The following WDR7 variants were observed in gnomAD, a reference collection of about 807,000 sequenced individuals.
WDR7 encodes the protein WD repeat domain 7.
In WDR7, 46 loss-of-function variants were observed where a neutral mutation model predicts 169.4. That is an observed-to-expected ratio of 0.27 (90% CI 0.21 to 0.35). The LOEUF (loss-of-function observed/expected upper bound fraction) is 0.35. WDR7 is among the 10% of genes least tolerant of loss of function. The pLI is 1.00. For missense variants in WDR7, 1,534 were observed against 1,859.3 expected, an observed-to-expected ratio of 0.83 and a Z score of 3.22; for synonymous variants, 612 against 666.8, an observed-to-expected ratio of 0.92 and a Z score of 1.27.
chr18:56,964,209 CAAAA>C (rs370790953), intron 26 of WDR7, among the ~76,000 whole-genome samples: 1 of 68,738 alleles, frequency 1.5e-5, no homozygotes. Flanking sequence ...TGGTAACATG[CAAAA>C]AAAAAAAAAA....
rs141665150 is a variant in WDR7, at chr18:56,811,023, T to C, written c.3191-5008T>C. Among the ~76,000 whole-genome samples the C allele has an allele frequency of 1.1e-3, 174 of 152,332 alleles. 1 individual carries two copies. Among genetic ancestry groups the C allele is most frequent in the African/African-American group, 4.0e-3 (168 of 41,586 alleles). On this transcript the variant is annotated intron_variant, in intron 19 of 27. Transcript: ENST00000254442. ...AGGTTTGCTTCTTCTAGACATTTCA[T>C]GTAAATGGAATCATAAGGCATGTAA...
At chr18:57,025,437 C>T (rs1337752535) in intron 27 of WDR7, among the ~76,000 whole-genome samples, 1 of 152,112 alleles carries the variant, frequency 6.6e-6, no homozygotes, top group Non-Finnish European at 1.5e-5. Context: ...TTTTTATCTT[C>T]TGTGAAGTTT....
intron 21 of WDR7, among the ~76,000 whole-genome samples, chr18:56,881,402 C>A (rs368867058): frequency 1.3e-5 from 2 of 152,010 alleles, no homozygotes. Context: ...CCTCTTATCT[C>A]GATTTTATGC....
At chr18:56,664,354 G>A (rs1023810069) in intron 1 of WDR7, among the ~76,000 whole-genome samples, 1 of 152,116 alleles carries the variant, frequency 6.6e-6, no homozygotes, top group Non-Finnish European at 1.5e-5. Context: ...GTAATGAGAG[G>A]GAGAGAGATT....
intron 26 of WDR7, among the ~76,000 whole-genome samples, chr18:56,984,169 T>C (rs2047682623): frequency 6.6e-6 from 1 of 152,200 alleles, no homozygotes; most frequent in African/African-American, 2.4e-5. Flanking sequence ...TCATGAAAGA[T>C]GGCTTTACAT....
At chr18:57,004,672 G>A (rs1420303941) in intron 26 of WDR7, among the ~76,000 whole-genome samples, 2 of 152,082 alleles carry the variant, frequency 1.3e-5, no homozygotes, top group South Asian at 2.1e-4. Context: ...AGCCAGGAGT[G>A]ACACAGTAAA....
intron 26 of WDR7, among the ~76,000 whole-genome samples, chr18:56,991,467 A>G (rs1301000947): frequency 6.6e-6 from 1 of 152,278 alleles, no homozygotes; most frequent in Non-Finnish European, 1.5e-5. Context: ...TATTGGAGAA[A>G]CTGGCCAAAT....
At chr18:56,749,386 TTGTG>T (rs71863855) in intron 14 of WDR7, among the ~76,000 whole-genome samples, 45,143 of 148,556 alleles carry the variant, frequency 0.3, 7,267 homozygotes, top group Admixed American at 0.38. Flanking sequence ...GTGTGTGTGT[TTGTG>T]TGTGTGTGTG....
At chr18:57,008,238 G>A (rs1213052959) in intron 26 of WDR7, among the ~76,000 whole-genome samples, 1 of 151,964 alleles carries the variant, frequency 6.6e-6, no homozygotes, top group Non-Finnish European at 1.5e-5. Flanking sequence ...TCCTCATTCA[G>A]CTCCCCATTT....
At chr18:56,857,509 G>A (rs373711668) in intron 20 of WDR7, among the ~76,000 whole-genome samples, 181 of 152,104 alleles carry the variant, frequency 1.2e-3, no homozygotes, top group Middle Eastern at 6.8e-3. Flanking sequence ...TGCCTACCTC[G>A]GCCTCCCAAA....
chr18:57,034,135 T>G (rs992345902), downstream of WDR7: 1 of 150,936 alleles, frequency 6.6e-6, no homozygotes, highest in African/African-American at 2.4e-5. Flanking sequence ...GGCAAGAGAG[T>G]GAGACTCTGG....
chr18:56,874,655 A>G (rs1169579502), intron 20 of WDR7, among the ~76,000 whole-genome samples: 1 of 152,196 alleles, frequency 6.6e-6, no homozygotes, highest in African/African-American at 2.4e-5. Flanking sequence ...CTAAACTTTT[A>G]CGTGAGCAAT....
Position 56,834,298 on chromosome 18 carries a change from G to A in WDR7, c.3304+18154G>A, listed in dbSNP as rs111974540. On this transcript the variant is annotated intron_variant, in intron 20 of 27. Coordinates refer to ENST00000254442, the MANE Select transcript of WDR7 (RefSeq NM_015285.3). ...AGTGGCCTCCCATGACTTTGCTGTC[G>A]TCCACTGGTTAGTAGTAAGTCACAG... 8.5e-3 allele frequency among the ~76,000 whole-genome samples: 1,289 copies of A among 152,188 alleles called. 24 individuals are homozygous for A. The highest frequency in any genetic ancestry group is 0.027 in the African/African-American group (1,133 of 41,522).
intron 22 of WDR7, among the ~76,000 whole-genome samples, chr18:56,928,068 G>T (rs777455209): frequency 1.3e-5 from 2 of 152,176 alleles, no homozygotes; most frequent in African/African-American, 2.4e-5. Context: ...GTAGGAAAGC[G>T]CAGGCATGCC....
intron 12 of WDR7, among the ~76,000 whole-genome samples, chr18:56,710,003 G>GTTTTTTTTTTTTTTT (rs74182155): frequency 7.8e-6 from 1 of 128,678 alleles, no homozygotes; most frequent in Non-Finnish European, 1.6e-5. Flanking sequence ...TATATATATA[G>GTTTTTTTTTTTTTTT]TTGTTTTTTT....
intron 12 of WDR7, among the ~76,000 whole-genome samples, chr18:56,708,159 G>C (rs964615553): frequency 2.0e-5 from 3 of 151,356 alleles, no homozygotes; most frequent in Non-Finnish European, 2.9e-5. Context: ...TCAGCCTCCT[G>C]AGTAGCTGGG....
In WDR7 at chr18:56,718,041, C is replaced by T; in HGVS notation, c.1656C>T (p.Cys552=). 6.2e-7 allele frequency: 1 copy of T among 1,614,078 alleles called. No homozygotes were observed. Among genetic ancestry groups the T allele is most frequent in the Non-Finnish European group, 8.5e-7 (1 of 1,179,998 alleles). Residue 552 remains cysteine (C), a synonymous_variant, in exon 13 of 28, where the codon TGC becomes TGT. Coordinates refer to ENST00000254442, the MANE Select transcript of WDR7 (RefSeq NM_015285.3). ...TTCTAAGTTTGCGAGAGAAAAAATG[C>T]ATAATGTTGGCATCTCGTCACCTTT... is the stretch of plus-strand genomic sequence containing the variant. ...VGLLSLREKK[C]IMLASRHLFP... is the part of the protein sequence containing the mutation.
At chr18:56,889,977 C>A (rs917838158) in intron 21 of WDR7, among the ~76,000 whole-genome samples, 3 of 152,130 alleles carry the variant, frequency 2.0e-5, no homozygotes, top group African/African-American at 7.2e-5. Context: ...ACATGATCTA[C>A]CTGCCATTAC....
intron 26 of WDR7, among the ~76,000 whole-genome samples, chr18:56,971,081 G>A (rs900625536): frequency 6.6e-6 from 1 of 152,066 alleles, no homozygotes; most frequent in Non-Finnish European, 1.5e-5. Flanking sequence ...AGACCAGCCT[G>A]GCCAATGTGG....
Sources: allele counts gnomAD v4.1 joint callset (sites outside exome capture counted in the v4.1 genomes callset), GRCh38; gene constraint gnomAD v4.1.1; transcripts MANE v1.5; gene names NCBI Gene and HGNC (gene_info 2026-07-23, HGNC 2026-07-21).